The following FANCC variants were observed in gnomAD, a reference collection of about 807,000 sequenced individuals.
FANCC encodes the protein Fanconi anemia group C protein.
In FANCC, 55 loss-of-function variants were observed where a neutral mutation model predicts 71.3. The observed-to-expected ratio is 0.77, with a 90% confidence interval of 0.62 to 0.97. FANCC has a LOEUF of 0.97. FANCC is among the 50% of genes least tolerant of loss of function. FANCC has a pLI of 0.00. For synonymous variants in FANCC, 275 were observed against 244.9 expected (o/e 1.12, Z -1.15); for missense variants, 678 against 670.9 (o/e 1.01, Z -0.12).
At chr9:95,104,862 CT>C (rs2134422909) in intron 14 of FANCC, among the ~76,000 whole-genome samples, 1 of 152,296 alleles carries the variant, frequency 6.6e-6, no homozygotes, top group South Asian at 2.1e-4. Context: ...CCCACTGCCC[CT>C]CCCCAGCCCC....
chr9:95,234,114 T>C (rs944483123), intron 4 of FANCC, among the ~76,000 whole-genome samples: 1 of 152,182 alleles, frequency 6.6e-6, no homozygotes, highest in Non-Finnish European at 1.5e-5. Context: ...AATACTACTA[T>C]GAATGCAACC....
At chr9:95,301,087 TC>T (rs1173811739) in intron 1 of FANCC, among the ~76,000 whole-genome samples, 1 of 151,952 alleles carries the variant, frequency 6.6e-6, no homozygotes, top group Non-Finnish European at 1.5e-5. Context: ...TGCAATTATT[TC>T]TCGGTTAAGA....
intron 4 of FANCC, among the ~76,000 whole-genome samples, chr9:95,198,390 T>A (rs1827586746): frequency 6.6e-6 from 1 of 152,246 alleles, no homozygotes; most frequent in Non-Finnish European, 1.5e-5. Context: ...ATCATGTATG[T>A]GGAACCTTCT....
At chr9:95,152,989 T>C (rs1034012209) in intron 6 of FANCC, among the ~76,000 whole-genome samples, 2 of 152,232 alleles carry the variant, frequency 1.3e-5, no homozygotes, top group African/African-American at 4.8e-5. Flanking sequence ...AGATTTGTGT[T>C]GGGCAGCATT....
At chr9:95,312,300 A>C (rs1340957037) in intron 1 of FANCC, among the ~76,000 whole-genome samples, 1 of 152,276 alleles carries the variant, frequency 6.6e-6, no homozygotes, top group African/African-American at 2.4e-5. Context: ...GGGTCCAGTC[A>C]GTAAAAAGAA....
At chr9:95,253,196 G>A (rs1267045236) in intron 1 of FANCC, among the ~76,000 whole-genome samples, 2 of 152,192 alleles carry the variant, frequency 1.3e-5, no homozygotes, top group Non-Finnish European at 2.9e-5. Context: ...GGGCTGGGAG[G>A]GGTGAAAACA....
At chr9:95,239,538 T>C (rs934505406) in intron 4 of FANCC, among the ~76,000 whole-genome samples, 1 of 152,178 alleles carries the variant, frequency 6.6e-6, no homozygotes, top group Admixed American at 6.5e-5. Context: ...AAATATCAAA[T>C]AATAAAAGCA....
intron 1 of FANCC, among the ~76,000 whole-genome samples, chr9:95,310,973 G>A (rs1054347175): frequency 9.9e-5 from 15 of 152,152 alleles, no homozygotes; most frequent in African/African-American, 2.9e-4. Flanking sequence ...GGCCAGGAGC[G>A]GTGGCTCACG....
Position 95,308,430 on chromosome 9 carries a change from CAT to C in FANCC, c.-79+9094_-79+9095del, listed in dbSNP as rs1286298411. 4.9e-5 allele frequency among the ~76,000 whole-genome samples: 7 copies of C among 142,984 alleles called. No individual in the cohort carries two copies. In the East Asian group the frequency reaches 1.3e-3, roughly 26 times the overall value. The allele number at this position is 142,984 out of a possible 152,430, so 93.8% of individuals were successfully genotyped here. ...TCCCAAGTAGCTGGGATTACAGGCA[CAT>C]GTCACCACACCCGGCTAGTTTTTTT... On this transcript the variant is annotated intron_variant, in intron 1 of 14. Transcript: ENST00000289081.
In FANCC at chr9:95,229,923, A is replaced by C. The variant is rs181838054; in HGVS notation, c.345+10726T>G. On this transcript the variant is annotated intron_variant, in intron 4 of 14. Coordinates refer to ENST00000289081, the MANE Select transcript of FANCC (RefSeq NM_000136.3). ...AGAAGGGAAAAAATTCTGAATTATTAAATTTTAAATAATTTTATCCATTCA... is the reference window on the plus strand; with the variant it reads ...AGAAGGGAAAAAATTCTGAATTATTCAATTTTAAATAATTTTATCCATTCA... 7.9e-5 allele frequency among the ~76,000 whole-genome samples: 12 copies of C among 152,308 alleles called. No individual in the cohort carries two copies. The East Asian group carries it at 2.3e-3, about 29-fold the overall frequency.
At chr9:95,308,898 C>T (rs1222967852) in intron 1 of FANCC, among the ~76,000 whole-genome samples, 2 of 152,158 alleles carry the variant, frequency 1.3e-5, no homozygotes, top group East Asian at 3.9e-4. Context: ...GTCCCAGCTA[C>T]TCAGGAGGCT....
intron 1 of FANCC, among the ~76,000 whole-genome samples, chr9:95,299,456 T>C (rs1834588802): frequency 6.6e-6 from 1 of 152,262 alleles, no homozygotes; most frequent in Admixed American, 6.5e-5. Context: ...TATCCACATC[T>C]AACCGCCTTC....
Position 95,101,823 on chromosome 9 carries a change from C to T in FANCC, c.1561G>A (p.Glu521Lys), listed in dbSNP as rs752855423. 26 of 1,613,902 alleles carry T rather than the reference C, an allele frequency of 1.6e-5. No homozygotes were observed. The highest frequency in any genetic ancestry group is 4.5e-5 in the East Asian group (2 of 44,898). The change falls in exon 15 of 15, where the codon GAG becomes AAG. Residue 521 changes from glutamate (E) to lysine (K), a missense_variant. Transcript: ENST00000289081. ...LMAHTAEITHEIIGFLDQTLY... is the reference protein window; with the variant it reads ...LMAHTAEITHKIIGFLDQTLY... Reference sequence around the variant, plus strand: ...GTCTGGTCAAGAAAGCCAATGATCTCGTGAGTTATCTCAGCAGTGTGAGCC... The same window carrying T: ...GTCTGGTCAAGAAAGCCAATGATCTTGTGAGTTATCTCAGCAGTGTGAGCC...
At chr9:95,105,261 G>A (rs891117445) in intron 14 of FANCC, among the ~76,000 whole-genome samples, 7 of 152,158 alleles carry the variant, frequency 4.6e-5, no homozygotes, top group Admixed American at 1.3e-4. Flanking sequence ...GTCATGTTAC[G>A]GGGACTTTCT....
Position 95,139,065 on chromosome 9 carries a change from G to C in FANCC, c.687-3563C>G, listed in dbSNP as rs551239913. ...GGAATCGCCGAAGCAGTATCATCTTGATATGCTTGCTTAACAGAATTTGGC... is the reference window on the plus strand; with the variant it reads ...GGAATCGCCGAAGCAGTATCATCTTCATATGCTTGCTTAACAGAATTTGGC... On this transcript the variant is annotated intron_variant, in intron 7 of 14. Coordinates refer to ENST00000289081, the MANE Select transcript of FANCC (RefSeq NM_000136.3). 2.0e-5 allele frequency among the ~76,000 whole-genome samples: 3 copies of C among 152,314 alleles called. No individual in the cohort carries two copies. In the South Asian group the frequency reaches 6.2e-4, roughly 32 times the overall value.
chr9:95,228,985 C>T (rs944052679), intron 4 of FANCC, among the ~76,000 whole-genome samples: 2 of 152,136 alleles, frequency 1.3e-5, no homozygotes, highest in Non-Finnish European at 2.9e-5. Flanking sequence ...CCCGAGGCTC[C>T]TGAACAGAGA....
chr9:95,293,740 A>C, intron 1 of FANCC: 1 of 1,613,924 alleles, frequency 6.2e-7, no homozygotes, highest in East Asian at 2.2e-5. Context: ...CCCAGCTCTA[A>C]GGTAACTTCA....
chr9:95,135,632 T>C, intron 7 of FANCC, 130 bp from the exon 8 acceptor site: 1 of 736,250 alleles, frequency 1.4e-6, no homozygotes, highest in South Asian at 1.7e-5. Context: ...CAGTGGCTAA[T>C]AATTTATAGA....
At chr9:95,135,597 G>T in intron 7 of FANCC, 95 bp from the exon 8 acceptor site, 1 of 1,018,338 alleles carries the variant, frequency 9.8e-7, no homozygotes, top group Non-Finnish European at 1.5e-6. Flanking sequence ...AATCCAATTT[G>T]TGAGACTTCT....
Sources: allele counts gnomAD v4.1 joint callset (sites outside exome capture counted in the v4.1 genomes callset), GRCh38; gene constraint gnomAD v4.1.1; transcripts MANE v1.5; gene names NCBI Gene and HGNC (gene_info 2026-07-23, HGNC 2026-07-21).